Variants in SNX15 observed in about 807,000 individuals in gnomAD.
SNX15 encodes the protein sorting nexin 15, also known as sorting nexin-15.
SNX15 carries 29 observed loss-of-function variants against 35.2 expected under a neutral mutation model. That is an observed-to-expected ratio of 0.82 (90% CI 0.61 to 1.12). SNX15 has a LOEUF of 1.12. Ranked by LOEUF, SNX15 falls within the 50% of genes most tolerant of loss-of-function variation. The pLI is 0.00. For missense variants in SNX15, 400 were observed against 451.5 expected (o/e 0.89, Z 1.03); for synonymous variants, 189 against 188.2 (o/e 1.00, Z -0.03).
intron 6 of SNX15, chr11:65,036,265 A>G (rs1946500468): frequency 6.6e-6 from 1 of 152,208 alleles, no homozygotes; most frequent in South Asian, 2.1e-4. Flanking sequence ...AAATTTGCCA[A>G]CGCCTGGCAC....
In SNX15 at chr11:65,038,759, G is replaced by A; in HGVS notation, c.852G>A (p.Lys284=). The change falls in exon 7 of 8, where the codon AAG becomes AAA. Residue 284 remains lysine, a synonymous_variant. Transcript: ENST00000377244. ...ELITQALRDE[K]AGAYAAALQG... The stretch of plus-strand genomic sequence containing the variant: ...TCACCCAGGCCCTGCGGGATGAGAA[G>A]GCAGGCGCTTACGCTGCTGCACTCC... The A allele has an allele frequency of 6.2e-7, 1 of 1,601,264 alleles. No individual in the cohort carries two copies. Among genetic ancestry groups the A allele is most frequent in the South Asian group, 1.1e-5 (1 of 89,034 alleles).
In SNX15 at chr11:65,027,734, C is replaced by T. The variant is rs913876082; in HGVS notation, c.99+98C>T. Reference sequence around the variant, plus strand: ...GTGCAGCCACTGCTCCCTTTTTAGACGACAGAAATGGGTTTCCCCTTTAAG... The same window carrying T: ...GTGCAGCCACTGCTCCCTTTTTAGATGACAGAAATGGGTTTCCCCTTTAAG... On this transcript the variant is annotated intron_variant, in intron 1 of 7. Transcript: ENST00000377244. 6 of 877,910 alleles carry T rather than the reference C, an allele frequency of 6.8e-6. No homozygotes were observed. The East Asian group carries it at 1.0e-4, about 15-fold the overall frequency. The allele number at this position is 877,910 out of a possible 1,614,324, so 54.4% of individuals were successfully genotyped here. A position where few individuals can be genotyped will look rare whatever the true frequency, so the allele number is the denominator to read the frequency against.
intron 3 of SNX15, among the ~76,000 whole-genome samples, chr11:65,033,975 T>C (rs1946470869): frequency 6.6e-6 from 1 of 152,080 alleles, no homozygotes; most frequent in Admixed American, 6.5e-5. Context: ...CCTAAAACGC[T>C]GGGATTATAG....
chr11:65,033,897 A>G (rs530643420), intron 3 of SNX15, among the ~76,000 whole-genome samples: 2 of 152,066 alleles, frequency 1.3e-5, no homozygotes, highest in Admixed American at 1.3e-4. Flanking sequence ...TAGTAGAGAC[A>G]GGGTTTCACC....
At chr11:65,034,716 G>C (rs1946478591) in intron 3 of SNX15, 131 bp from the exon 4 acceptor site, 8 of 651,584 alleles carry the variant, frequency 1.2e-5, no homozygotes, top group Non-Finnish European at 2.1e-5. Context: ...AGGGCAGATT[G>C]CTGGGAGAAT....
At position 65,035,520 on chromosome 11, in the gene SNX15, T is replaced by C; in HGVS notation, c.521T>C (p.Val174Ala). 6.3e-7 allele frequency: 1 copy of C among 1,584,892 alleles called. No individual in the cohort carries two copies. The highest frequency in any genetic ancestry group is 8.6e-7 in the Non-Finnish European group (1 of 1,169,514). Residue 174 changes from valine (V) to alanine (A), a missense_variant and splice_region_variant, in exon 6 of 8, where the codon GTG becomes GCG. Physicochemically the swap from Val to Ala is moderately conservative, Grantham distance 64. Coordinates refer to ENST00000377244, the MANE Select transcript of SNX15 (RefSeq NM_013306.5). Reference protein sequence around the residue: ...RRGLEELEVPVDPPPSSPAQE... With the variant: ...RRGLEELEVPADPPPSSPAQE... ...ATGACCCCACTTATCTCTTCCTCAG[T>C]GGACCCCCCACCATCCAGCCCTGCC...
chr11:65,035,183 G>A lies in SNX15; in HGVS notation c.497G>A (p.Gly166Asp). 1.3e-6 allele frequency: 2 copies of A among 1,591,346 alleles called. No homozygotes were observed. The highest frequency in any genetic ancestry group is 1.7e-6 in the Non-Finnish European group (2 of 1,171,024). ...LSQLLPAERR[G>D]LEELEVPVDP... ...CAACTGCTCCCTGCAGAAAGGAGGG[G>A]CCTCGAGGAATTGGAGGTGCCAGGT... Residue 166 changes from glycine (G) to aspartate (D), a missense_variant, in exon 5 of 8, where the codon GGC becomes GAC. Coordinates refer to ENST00000377244, the MANE Select transcript of SNX15 (RefSeq NM_013306.5).
At chr11:65,031,362 A>G (rs1342152383) in intron 1 of SNX15, among the ~76,000 whole-genome samples, 1 of 152,230 alleles carries the variant, frequency 6.6e-6, no homozygotes, top group East Asian at 1.9e-4. Flanking sequence ...CCCAAACCAT[A>G]GGACATTATT....
chr11:65,031,875 C>T (rs527737650), intron 1 of SNX15, among the ~76,000 whole-genome samples: 162 of 151,690 alleles, frequency 1.1e-3, no homozygotes, highest in African/African-American at 3.4e-3. Flanking sequence ...CCAGCCTGGG[C>T]GACAGAGCGA....
intron 1 of SNX15, 29 bp from the exon 2 acceptor site, chr11:65,032,139 C>G: frequency 6.2e-7 from 1 of 1,613,034 alleles, no homozygotes; most frequent in Non-Finnish European, 8.5e-7. Context: ...AGTCTCTGGT[C>G]TCAACCAGCT....
intron 2 of SNX15, 23 bp from the exon 3 acceptor site, chr11:65,032,408 G>T: frequency 6.2e-7 from 1 of 1,614,034 alleles, no homozygotes. Flanking sequence ...GCTGGTTCTG[G>T]GCAAGTCTCA....
At chr11:65,038,130 G>T in intron 6 of SNX15, 1 of 345,162 alleles carries the variant, frequency 2.9e-6, no homozygotes, top group Non-Finnish European at 4.1e-6. Flanking sequence ...AGCTGAAACT[G>T]CAAGGCTTCA....
intron 6 of SNX15, chr11:65,038,097 C>T (rs1478752006): frequency 5.5e-6 from 1 of 180,970 alleles, no homozygotes; most frequent in Non-Finnish European, 1.1e-5. Flanking sequence ...CTGTCACTCA[C>T]TGTCTTTACA....
At chr11:65,036,068 G>A (rs1946498396) in intron 6 of SNX15, 1 of 163,532 alleles carries the variant, frequency 6.1e-6, no homozygotes, top group Non-Finnish European at 1.3e-5. Context: ...GTCAATGGGA[G>A]TGAGTTCTCA....
At chr11:65,033,155 C>T (rs1423983224) in intron 3 of SNX15, among the ~76,000 whole-genome samples, 5 of 151,972 alleles carry the variant, frequency 3.3e-5, no homozygotes, top group Admixed American at 1.3e-4. Context: ...GGATTACAGG[C>T]GTGAGACACT....
rs200754789 is a variant in SNX15, at chr11:65,027,656, G to A, written c.99+20G>A. 109 of 1,585,024 alleles carry A rather than the reference G, an allele frequency of 6.9e-5. No individual in the cohort carries two copies. The East Asian group carries it at 2.1e-3, about 30-fold the overall frequency. ...GCGCAGGTGAGGTGGGGCCCAGCGC[G>A]TACTTTACCCTTTTAACTAGAGGGG... On this transcript the variant is annotated intron_variant, in intron 1 of 7. Coordinates refer to ENST00000377244, the MANE Select transcript of SNX15 (RefSeq NM_013306.5).
chr11:65,035,011 C>G, intron 4 of SNX15, 48 bp from the exon 5 acceptor site: 1 of 1,613,656 alleles, frequency 6.2e-7, no homozygotes, highest in Non-Finnish European at 8.5e-7. Context: ...TACCCACCCA[C>G]CAGATTGCAC....
At chr11:65,029,911 G>A (rs990535475) in intron 1 of SNX15, among the ~76,000 whole-genome samples, 1 of 151,960 alleles carries the variant, frequency 6.6e-6, no homozygotes, top group Non-Finnish European at 1.5e-5. Context: ...ATTTGCGACG[G>A]GGTCTTGCTC....
intron 1 of SNX15, among the ~76,000 whole-genome samples, chr11:65,030,265 G>T (rs2136927251): frequency 6.6e-6 from 1 of 151,784 alleles, no homozygotes; most frequent in Non-Finnish European, 1.5e-5. Context: ...TGAGGCAGGA[G>T]AATTGCTTGA....
Sources: gnomAD v4.1 joint callset for allele counts (sites outside exome capture counted in the v4.1 genomes callset) on GRCh38, gnomAD v4.1.1 for gene constraint, MANE v1.5 for transcripts, NCBI Gene and HGNC (gene_info 2026-07-23, HGNC 2026-07-21) for gene names.